The following KCTD16 variants were observed in gnomAD, a reference collection of about 807,000 sequenced individuals.
KCTD16 encodes the protein BTB/POZ domain-containing protein KCTD16.
KCTD16 carries 13 observed loss-of-function variants against 33.2 expected under a neutral mutation model. The ratio of observed to expected loss-of-function variants is 0.39; its 90% CI spans 0.25 to 0.62. The LOEUF (loss-of-function observed/expected upper bound fraction) is 0.62, where lower values mean the gene tolerates loss of function less well. Among genes scored for constraint, KCTD16 ranks in the 20% least tolerant of loss-of-function variants. KCTD16 has a pLI of 0.50. For missense variants in KCTD16, 441 were observed against 525.1 expected, an observed-to-expected ratio of 0.84 and a Z score of 1.57; for synonymous variants, 197 against 195.3, an observed-to-expected ratio of 1.01 and a Z score of -0.07.
chr5:144,328,470 T>C (rs968689447), intron 3 of KCTD16, among the ~76,000 whole-genome samples: 1 of 152,134 alleles, frequency 6.6e-6, no homozygotes, highest in African/African-American at 2.4e-5. Context: ...TTGATTTGAG[T>C]GTGTGGGATA....
chr5:144,440,546 C>T (rs1753681028), intron 3 of KCTD16, among the ~76,000 whole-genome samples: 1 of 151,740 alleles, frequency 6.6e-6, no homozygotes, highest in Admixed American at 6.6e-5. Context: ...TAATATTTCA[C>T]TGTGGCATGG....
At chr5:144,358,197 G>C (rs1467799522) in intron 3 of KCTD16, among the ~76,000 whole-genome samples, 1 of 148,552 alleles carries the variant, frequency 6.7e-6, no homozygotes, top group Non-Finnish European at 1.5e-5. Context: ...GCCTCCCAAA[G>C]TGCTGGGATT....
intron 3 of KCTD16, among the ~76,000 whole-genome samples, chr5:144,425,167 C>T (rs1175688133): frequency 1.3e-5 from 2 of 152,140 alleles, no homozygotes; most frequent in Non-Finnish European, 1.5e-5. Flanking sequence ...TAGGCATTCA[C>T]ACTCTCCAAA....
chr5:144,427,674 A>T (rs1459557495), intron 3 of KCTD16, among the ~76,000 whole-genome samples: 10 of 152,092 alleles, frequency 6.6e-5, no homozygotes, highest in Admixed American at 6.6e-4. Flanking sequence ...AGAGATGATG[A>T]TTTAATTGGT....
At chr5:144,344,976 C>G (rs1365896397) in intron 3 of KCTD16, among the ~76,000 whole-genome samples, 1 of 151,302 alleles carries the variant, frequency 6.6e-6, no homozygotes, top group Non-Finnish European at 1.5e-5. Context: ...CAATGATAGA[C>G]TGGATTAAGA....
chr5:144,388,371 G>A (rs185617597), intron 3 of KCTD16, among the ~76,000 whole-genome samples: 7 of 152,094 alleles, frequency 4.6e-5, no homozygotes, highest in Non-Finnish European at 7.4e-5. Context: ...GTGAGCCACC[G>A]CGCCCGGCCT....
chr5:144,342,208 C>A (rs1473408512), intron 3 of KCTD16, among the ~76,000 whole-genome samples: 2 of 152,098 alleles, frequency 1.3e-5, no homozygotes, highest in Admixed American at 1.3e-4. Flanking sequence ...TACCCATGAG[C>A]ATGGAATGTT....
chr5:144,360,740 T>A (rs1043928388), intron 3 of KCTD16, among the ~76,000 whole-genome samples: 2 of 152,146 alleles, frequency 1.3e-5, no homozygotes, highest in Non-Finnish European at 2.9e-5. Context: ...AAACTCATCC[T>A]TTTTTATGGC....
At position 144,249,836 on chromosome 5, in the gene KCTD16, A is replaced by C. The variant is rs548418962; in HGVS notation, c.832+42290A>C. Among the ~76,000 whole-genome samples, 3 of 152,288 alleles carry C rather than the reference A, an allele frequency of 2.0e-5. No individual in the cohort carries two copies. In the East Asian group the frequency reaches 5.8e-4, roughly 29 times the overall value. Reference sequence around the variant, plus strand: ...GAGCCTGACTTTGAACCTATGTCTCATGACTTTGAGTCTGATGTTCTTTCC... The same window carrying C: ...GAGCCTGACTTTGAACCTATGTCTCCTGACTTTGAGTCTGATGTTCTTTCC... On this transcript the variant is annotated intron_variant, in intron 3 of 3. Coordinates refer to ENST00000512467, the MANE Select transcript of KCTD16 (RefSeq NM_020768.4).
In KCTD16 at chr5:144,230,064, C is replaced by T. The variant is rs908746403; in HGVS notation, c.832+22518C>T. Among the ~76,000 whole-genome samples, 16 of 152,282 alleles carry T rather than the reference C, an allele frequency of 1.1e-4. No individual in the cohort carries two copies. In the East Asian group the frequency reaches 1.4e-3, roughly 13 times the overall value. On this transcript the variant is annotated intron_variant, in intron 3 of 3. Transcript: ENST00000512467. The stretch of plus-strand genomic sequence containing the variant: ...GGCTGAGGGACAAGAATCATTTGAA[C>T]CCTGGAGGTGGAGACTGCAGTGAGC...
intron 3 of KCTD16, among the ~76,000 whole-genome samples, chr5:144,266,407 T>C (rs1755143719): frequency 1.3e-5 from 2 of 152,118 alleles, no homozygotes; most frequent in South Asian, 4.1e-4. Flanking sequence ...AAGAAGGCAG[T>C]AGAGGGTAGC....
At chr5:144,357,133 T>C (rs1333307484) in intron 3 of KCTD16, among the ~76,000 whole-genome samples, 2 of 141,562 alleles carry the variant, frequency 1.4e-5, no homozygotes, top group South Asian at 2.2e-4. Flanking sequence ...TATACTCTTA[T>C]AGGTTGCCAA....
chr5:144,462,367 C>T (rs932327811), intron 3 of KCTD16, among the ~76,000 whole-genome samples: 1 of 152,092 alleles, frequency 6.6e-6, no homozygotes, highest in Non-Finnish European at 1.5e-5. Context: ...GCTAATCAAT[C>T]TGCAGAAGAT....
At chr5:144,306,673 C>G (rs1025264830) in intron 3 of KCTD16, among the ~76,000 whole-genome samples, 1 of 152,208 alleles carries the variant, frequency 6.6e-6, no homozygotes, top group Admixed American at 6.5e-5. Context: ...CTCTGAAGAC[C>G]TAAGACCTAC....
intron 3 of KCTD16, among the ~76,000 whole-genome samples, chr5:144,449,294 A>G (rs2126983369): frequency 6.6e-6 from 1 of 152,132 alleles, no homozygotes; most frequent in Non-Finnish European, 1.5e-5. Flanking sequence ...CATGGATTGG[A>G]AGACTTGATA....
At chr5:144,249,122 T>G (rs1250775508) in intron 3 of KCTD16, among the ~76,000 whole-genome samples, 3 of 152,166 alleles carry the variant, frequency 2.0e-5, no homozygotes, top group Non-Finnish European at 1.5e-5. Context: ...CAGCCTACCT[T>G]GCAACACCCT....
chr5:144,433,590 T>C (rs1256126714), intron 3 of KCTD16, among the ~76,000 whole-genome samples: 1 of 152,178 alleles, frequency 6.6e-6, no homozygotes, highest in Admixed American at 6.6e-5. Context: ...CCATTTGTTT[T>C]TGACCTCTGG....
chr5:144,177,433 T>G (rs1752531407), intron 2 of KCTD16, among the ~76,000 whole-genome samples: 1 of 152,206 alleles, frequency 6.6e-6, no homozygotes, highest in African/African-American at 2.4e-5. Flanking sequence ...ATTTATTGTC[T>G]TAGAGTTCTG....
intron 3 of KCTD16, among the ~76,000 whole-genome samples, chr5:144,231,343 A>G (rs189903137): frequency 6.6e-6 from 1 of 152,242 alleles, no homozygotes; most frequent in Admixed American, 6.5e-5. Context: ...AGTATGCTCT[A>G]AGCACTTGGG....
Sources: gnomAD v4.1 joint callset for allele counts (sites outside exome capture counted in the v4.1 genomes callset) on GRCh38, gnomAD v4.1.1 for gene constraint, MANE v1.5 for transcripts, NCBI Gene and HGNC (gene_info 2026-07-23, HGNC 2026-07-21) for gene names.